CSMD1: variants seen among roughly 807,000 people sequenced by gnomAD.
The protein encoded by CSMD1 is CUB and sushi domain-containing protein 1.
In CSMD1, 213 loss-of-function variants were observed where a neutral mutation model predicts 417.5. The ratio of observed to expected loss-of-function variants is 0.51; its 90% confidence interval spans 0.46 to 0.57. The LOEUF is 0.57. Among genes scored for constraint, CSMD1 ranks in the 20% least tolerant of loss-of-function variants. CSMD1 has a pLI of 0.00. For synonymous variants in CSMD1, 2,862 were observed against 1,736.8 expected, an observed-to-expected ratio of 1.65 and a Z score of -16.11; for missense variants, 6,923 against 4,529.7, an observed-to-expected ratio of 1.53 and a Z score of -15.17.
At chr8:3,378,876 A>G (rs1273110978) in intron 18 of CSMD1, among the ~76,000 whole-genome samples, 1 of 152,206 alleles carries the variant, frequency 6.6e-6, no homozygotes, top group Non-Finnish European at 1.5e-5. Flanking sequence ...TATTCAACAC[A>G]GTATTGGAAG....
At chr8:4,584,478 G>A (rs772333704) in intron 2 of CSMD1, among the ~76,000 whole-genome samples, 1 of 151,990 alleles carries the variant, frequency 6.6e-6, no homozygotes, top group Non-Finnish European at 1.5e-5. Flanking sequence ...CTAAAGAAAC[G>A]GGTGTCAGGC....
At chr8:3,891,776 C>T (rs759979980) in intron 5 of CSMD1, among the ~76,000 whole-genome samples, 1 of 152,120 alleles carries the variant, frequency 6.6e-6, no homozygotes, top group South Asian at 2.1e-4. Context: ...TTCATAACGT[C>T]ATTACTATGT....
At chr8:4,854,651 C>T (rs540719921) in intron 1 of CSMD1, among the ~76,000 whole-genome samples, 6 of 152,086 alleles carry the variant, frequency 3.9e-5, no homozygotes, top group South Asian at 2.1e-4. Flanking sequence ...AAAGGGGTGA[C>T]GGACAGCACC....
chr8:2,987,079 G>C (rs926954523), intron 54 of CSMD1, among the ~76,000 whole-genome samples: 10 of 151,832 alleles, frequency 6.6e-5, no homozygotes, highest in Non-Finnish European at 8.8e-5. Flanking sequence ...ATTCTTAATG[G>C]TCTCTCCGAC....
At chr8:4,184,187 A>G (rs1319909331) in intron 3 of CSMD1, among the ~76,000 whole-genome samples, 1 of 152,232 alleles carries the variant, frequency 6.6e-6, no homozygotes, top group East Asian at 1.9e-4. Flanking sequence ...GTTATATTAA[A>G]TCTGTGTCAG....
intron 10 of CSMD1, among the ~76,000 whole-genome samples, chr8:3,552,985 T>C (rs1798982847): frequency 6.6e-6 from 1 of 152,148 alleles, no homozygotes; most frequent in African/African-American, 2.4e-5. Flanking sequence ...TCACCACATA[T>C]TTAGACCTGT....
intron 1 of CSMD1, among the ~76,000 whole-genome samples, chr8:4,755,966 A>C (rs1204871715): frequency 6.6e-6 from 1 of 152,252 alleles, no homozygotes; most frequent in Non-Finnish European, 1.5e-5. Flanking sequence ...ATTATTAACA[A>C]AATCAAACTA....
intron 5 of CSMD1, among the ~76,000 whole-genome samples, chr8:3,816,091 C>T (rs1188351964): frequency 6.6e-6 from 1 of 152,168 alleles, no homozygotes; most frequent in Non-Finnish European, 1.5e-5. Flanking sequence ...ACAAACCTGC[C>T]TTCACCTTTA....
At chr8:4,073,147 T>G (rs949630993) in intron 3 of CSMD1, among the ~76,000 whole-genome samples, 3 of 152,190 alleles carry the variant, frequency 2.0e-5, no homozygotes, top group South Asian at 4.1e-4. Flanking sequence ...TGAAAACTTT[T>G]GTGATTTCAC....
chr8:4,621,179 T>C lies in CSMD1; in HGVS notation c.302+16163A>G, dbSNP rs150026422. 1.4e-3 allele frequency among the ~76,000 whole-genome samples: 218 copies of C among 152,156 alleles called. 1 individual carries two copies. The highest frequency in any genetic ancestry group is 5.1e-3 in the African/African-American group (212 of 41,544). On this transcript the variant is annotated intron_variant, in intron 2 of 69. Transcript: ENST00000635120. ...GAATTTTGGAATATATGCAGACCTA[T>C]AAATAATGAGAAATCCTGGGGATGA...
intron 36 of CSMD1, among the ~76,000 whole-genome samples, chr8:3,184,500 C>T (rs981571480): frequency 6.6e-6 from 1 of 152,194 alleles, no homozygotes; most frequent in Non-Finnish European, 1.5e-5. Flanking sequence ...TTATCACATT[C>T]ATCTCCTGCC....
chr8:3,077,577 G>C (rs1482659603), intron 49 of CSMD1, among the ~76,000 whole-genome samples: 2 of 152,210 alleles, frequency 1.3e-5, no homozygotes, highest in East Asian at 1.9e-4. Context: ...CCTTTGAATT[G>C]TTTGCTTATT....
chr8:4,913,192 T>C (rs1805818847), intron 1 of CSMD1, among the ~76,000 whole-genome samples: 1 of 152,184 alleles, frequency 6.6e-6, no homozygotes, highest in Admixed American at 6.5e-5. Context: ...ATTAGGTTGG[T>C]GCAAACCTAG....
chr8:4,106,301 G>A (rs562330871), intron 3 of CSMD1, among the ~76,000 whole-genome samples: 1 of 152,188 alleles, frequency 6.6e-6, no homozygotes, highest in Non-Finnish European at 1.5e-5. Context: ...AAATACGTTA[G>A]AGCTTACCTC....
At position 4,582,133 on chromosome 8, in the gene CSMD1, A is replaced by G. The variant is rs142810186; in HGVS notation, c.302+55209T>C. Reference sequence around the variant, plus strand: ...AACTGATGAGCTTTGTGAGTAGCACATGAGGAATAATCCTTCCCTGGCATG... The same window carrying G: ...AACTGATGAGCTTTGTGAGTAGCACGTGAGGAATAATCCTTCCCTGGCATG... On this transcript the variant is annotated intron_variant, in intron 2 of 69. Coordinates refer to ENST00000635120, the MANE Select transcript of CSMD1 (RefSeq NM_033225.6). Among the ~76,000 whole-genome samples, 269 of 151,990 alleles carry G rather than the reference A, an allele frequency of 1.8e-3. 3 individuals are homozygous for G. The highest frequency in any genetic ancestry group is 6.2e-3 in the African/African-American group (259 of 41,468).
At chr8:4,157,663 G>C (rs184069993) in intron 3 of CSMD1, among the ~76,000 whole-genome samples, 30 of 152,284 alleles carry the variant, frequency 2.0e-4, no homozygotes, top group African/African-American at 6.5e-4. Flanking sequence ...TCTGGGCATG[G>C]GGTGAGGGCA....
At chr8:3,819,453 C>G (rs891318808) in intron 5 of CSMD1, among the ~76,000 whole-genome samples, 9 of 151,996 alleles carry the variant, frequency 5.9e-5, no homozygotes, top group African/African-American at 1.5e-4. Context: ...AGAAGTGCTT[C>G]CAACTTCACC....
intron 25 of CSMD1, among the ~76,000 whole-genome samples, chr8:3,302,557 G>C (rs6558760): frequency 0.017 from 2,600 of 152,160 alleles, 75 homozygotes; most frequent in African/African-American, 0.059. Flanking sequence ...TGCAATTCCC[G>C]TTTTTTAAGA....
At chr8:4,103,313 G>A (rs1253813858) in intron 3 of CSMD1, among the ~76,000 whole-genome samples, 2 of 151,142 alleles carry the variant, frequency 1.3e-5, no homozygotes, top group Non-Finnish European at 2.9e-5. Context: ...TATACACACA[G>A]TGATCATCAA....
Sources: allele counts gnomAD v4.1 joint callset (sites outside exome capture counted in the v4.1 genomes callset), GRCh38; gene constraint gnomAD v4.1.1; transcripts MANE v1.5; gene names NCBI Gene and HGNC (gene_info 2026-07-23, HGNC 2026-07-21).